ZSCAN20: variants seen among roughly 807,000 people sequenced by gnomAD.
The protein encoded by ZSCAN20 is zinc finger and SCAN domain containing 20, also known as zinc finger and SCAN domain-containing protein 20.
Under a neutral mutation model 97.1 loss-of-function variants are expected in ZSCAN20, and 39 were observed. The observed-to-expected ratio is 0.40, with a 90% confidence interval of 0.31 to 0.52. The LOEUF is 0.52. Among genes scored for constraint, ZSCAN20 ranks in the 20% least tolerant of loss-of-function variants. The probability of loss-of-function intolerance (pLI) is 0.49; values close to 1 mark genes in which losing one functional copy is unlikely to be tolerated. For missense variants in ZSCAN20, 1,115 were observed against 1,290.4 expected (o/e 0.86, Z 2.08); for synonymous variants, 456 against 467.3 (o/e 0.98, Z 0.31).
chr1:33,482,375 T>C (rs6677747), intron 2 of ZSCAN20, among the ~76,000 whole-genome samples: 117,671 of 152,178 alleles, frequency 0.77, 45,856 homozygotes, highest in African/African-American at 0.84. Flanking sequence ...CATTTAAGTT[T>C]CCTCCACGTC....
Position 33,494,866 on chromosome 1 carries a change from G to A in ZSCAN20, c.2522G>A (p.Trp841Ter). 1 of 1,614,176 alleles carries A rather than the reference G, an allele frequency of 6.2e-7. No individual in the cohort carries two copies. The highest frequency in any genetic ancestry group is 8.5e-7 in the Non-Finnish European group (1 of 1,180,032). The change falls in exon 8 of 8, where the codon TGG (tryptophan) becomes TAG (stop). Residue 841 changes from tryptophan to a stop codon, truncating the protein, a stop_gained. Coordinates refer to ENST00000684572, the MANE Select transcript of ZSCAN20 (RefSeq NM_001377376.1). LOFTEE classifies it high-confidence loss of function. Reference protein sequence around the residue: ...FAQSPSFSAHWRNSTEETAPE... With the variant: ...FAQSPSFSAH ...CAAAGCCCATCTTTTAGTGCTCACT[G>A]GAGGAATTCTACAGAAGAGACAGCT... is the stretch of plus-strand genomic sequence containing the variant.
chr1:33,474,375 C>G (rs752346804), intron 1 of ZSCAN20, among the ~76,000 whole-genome samples: 7 of 152,332 alleles, frequency 4.6e-5, no homozygotes, highest in Admixed American at 2.0e-4. Context: ...CTTTGGAGGT[C>G]ACAGACCAGT....
At position 33,489,179 on chromosome 1, in the gene ZSCAN20, A is replaced by G. The variant is rs752810139; in HGVS notation, c.669A>G (p.Thr223=). The G allele has an allele frequency of 1.7e-5, 28 of 1,613,752 alleles. No homozygotes were observed. In the South Asian group the frequency reaches 2.9e-4, roughly 16 times the overall value. The change falls in exon 4 of 8, where the codon ACA becomes ACG. Residue 223 remains threonine (T), a synonymous_variant. Transcript: ENST00000684572. Reference sequence around the variant, plus strand: ...GGAGCGTTGGAGATTGGGAGGTGACAGCTGAGTCCCAGGTAAGCTGTTACT... The same window carrying G: ...GGAGCGTTGGAGATTGGGAGGTGACGGCTGAGTCCCAGGTAAGCTGTTACT... ...KMGSVGDWEV[T]AESQEALGPG...
Position 33,488,730 on chromosome 1 carries a change from A to C in ZSCAN20, c.604+79A>C. 5 of 1,474,080 alleles carry C rather than the reference A, an allele frequency of 3.4e-6. No homozygotes were observed. The South Asian group carries it at 6.2e-5, about 18-fold the overall frequency. 91.3% of individuals were successfully genotyped at this position (1,474,080 alleles called of 1,614,324 possible). A position where few individuals can be genotyped will look rare whatever the true frequency, so the allele number is the denominator to read the frequency against. Reference sequence around the variant, plus strand: ...GGGAGGTGAGGAAGGGTGCATGGGGAAGAAGGATGTGCAGAATTCAAAGCA... The same window carrying C: ...GGGAGGTGAGGAAGGGTGCATGGGGCAGAAGGATGTGCAGAATTCAAAGCA... On this transcript the variant is annotated intron_variant, in intron 3 of 7. Transcript: ENST00000684572.
rs999650360 is a variant in ZSCAN20, at chr1:33,494,956, G to A, written c.2612G>A (p.Gly871Glu). The change falls in exon 8 of 8, where the codon GGG becomes GAG. Residue 871 changes from glycine to glutamate, a missense_variant. By Grantham distance (98) the Gly-to-Glu change is moderately conservative. Transcript: ENST00000684572. ...CCTGGACCACACAGCACAAACTCAG[G>A]GGAGAAACTTTATGAGTGTTCTGAA... ...NSPGPHSTNSGEKLYECSECG... is the reference protein window; with the variant it reads ...NSPGPHSTNSEEKLYECSECG... 6.2e-7 allele frequency: 1 copy of A among 1,614,112 alleles called. No homozygotes were observed. The highest frequency in any genetic ancestry group is 1.3e-5 in the African/African-American group (1 of 75,012).
Position 33,480,719 on chromosome 1 carries a change from A to T in ZSCAN20, c.417+1014A>T, listed in dbSNP as rs148893870. ...TTTATATAACTACGTGATAGAGCTGAGGTAAGGGAAATGAAAGTATGGATT... is the reference window on the plus strand; with the variant it reads ...TTTATATAACTACGTGATAGAGCTGTGGTAAGGGAAATGAAAGTATGGATT... On this transcript the variant is annotated intron_variant, in intron 2 of 7. Transcript: ENST00000684572. Among the ~76,000 whole-genome samples, 497 of 152,344 alleles carry T rather than the reference A, an allele frequency of 3.3e-3. 1 individual carries two copies. Among genetic ancestry groups the T allele is most frequent in the Non-Finnish European group, 6.1e-3 (415 of 68,024 alleles).
chr1:33,489,472 T>G (rs773248294), intron 4 of ZSCAN20, 46 bp from the exon 5 acceptor site: 1 of 1,596,138 alleles, frequency 6.3e-7, no homozygotes. Flanking sequence ...TAGGCTGTTG[T>G]CAAAGGTCAG....
At chr1:33,488,700 G>C (rs1158673375) in intron 3 of ZSCAN20, 49 bp downstream of exon 3, 8 of 1,571,596 alleles carry the variant, frequency 5.1e-6, no homozygotes, top group Non-Finnish European at 5.2e-6. Context: ...GCAGGGGAGA[G>C]GGATGGGAGG....
chr1:33,478,648 G>C (rs1003770422), intron 1 of ZSCAN20, among the ~76,000 whole-genome samples: 17 of 152,088 alleles, frequency 1.1e-4, no homozygotes, highest in African/African-American at 4.1e-4. Context: ...GGATAGCATA[G>C]AGTTGTTGGA....
intron 2 of ZSCAN20, among the ~76,000 whole-genome samples, chr1:33,480,793 A>G (rs1056034271): frequency 2.6e-5 from 4 of 152,232 alleles, no homozygotes; most frequent in African/African-American, 9.6e-5. Context: ...AAAGCCCATG[A>G]TATAATGCAT....
chr1:33,489,681 T>A, intron 5 of ZSCAN20, 79 bp downstream of exon 5: 3 of 1,331,762 alleles, frequency 2.3e-6, no homozygotes, highest in Non-Finnish European at 3.2e-6. Flanking sequence ...TTGCCGCTCC[T>A]TTAAGAATCA....
chr1:33,485,488 C>T (rs1314618577), intron 2 of ZSCAN20, among the ~76,000 whole-genome samples: 3 of 151,318 alleles, frequency 2.0e-5, no homozygotes, highest in African/African-American at 7.3e-5. Flanking sequence ...TGGCTCACTG[C>T]ACCCTCTGCC....
rs574069320 is a variant in ZSCAN20 at position 33,500,098 on chromosome 1, A to T, written c.*4622A>T. Among the ~76,000 whole-genome samples the T allele has an allele frequency of 6.6e-6, 1 of 152,088 alleles. No individual in the cohort carries two copies. Among genetic ancestry groups the T allele is most frequent in the Non-Finnish European group, 1.5e-5 (1 of 67,986 alleles). On this transcript the variant is annotated 3_prime_UTR_variant, in exon 8 of 8. Transcript: ENST00000684572. ...CCCCACAGCTCCTGGCTGTTTCTTC[A>T]CACTCCCAGCATCACTATTACTGCT...
At chr1:33,477,638 C>T (rs551818253) in intron 1 of ZSCAN20, among the ~76,000 whole-genome samples, 10 of 148,886 alleles carry the variant, frequency 6.7e-5, no homozygotes, top group South Asian at 4.4e-4. Flanking sequence ...GGCATGAGCG[C>T]GAAGGTCATT....
At position 33,497,636 on chromosome 1, in the gene ZSCAN20, A is replaced by G. The variant is rs1307996852; in HGVS notation, c.*2160A>G. Among the ~76,000 whole-genome samples the G allele has an allele frequency of 6.6e-6, 1 of 152,152 alleles. No individual in the cohort carries two copies. Among genetic ancestry groups the G allele is most frequent in the Non-Finnish European group, 1.5e-5 (1 of 68,038 alleles). On this transcript the variant is annotated 3_prime_UTR_variant, in exon 8 of 8. Coordinates refer to ENST00000684572, the MANE Select transcript of ZSCAN20 (RefSeq NM_001377376.1). The stretch of plus-strand genomic sequence containing the variant: ...GCTGAATGGAACTTGGACATGCTGC[A>G]ATTAGGATGGCCTTTTGGGACACTG...
intron 2 of ZSCAN20, among the ~76,000 whole-genome samples, chr1:33,480,111 C>T (rs923957160): frequency 2.0e-5 from 3 of 152,212 alleles, no homozygotes; most frequent in African/African-American, 7.2e-5. Context: ...GTGTTTTATA[C>T]TTAACAAAAT....
chr1:33,477,272 C>T (rs929710724), intron 1 of ZSCAN20, among the ~76,000 whole-genome samples: 6 of 152,124 alleles, frequency 3.9e-5, no homozygotes, highest in Admixed American at 2.6e-4. Context: ...ATATGGAGGC[C>T]TTTAGGGCAA....
intron 2 of ZSCAN20, among the ~76,000 whole-genome samples, chr1:33,484,199 C>G (rs1484262934): frequency 6.6e-6 from 1 of 152,090 alleles, no homozygotes; most frequent in Non-Finnish European, 1.5e-5. Context: ...TGTTTCCTTT[C>G]TTATCTTGTA....
rs900570245 is a variant in ZSCAN20, at chr1:33,493,804, G to T, written c.1873+189G>T. On this transcript the variant is annotated intron_variant, in intron 7 of 7. Transcript: ENST00000684572. The surrounding 1 kb of genome is among the most constrained non-coding windows in gnomAD (Gnocchi z 4.3). Reference sequence around the variant, plus strand: ...ATCCCCCGAATCAGTCAGTCAGTCAGTCATTCTATCTTTTACTAGGTATAT... The same window carrying T: ...ATCCCCCGAATCAGTCAGTCAGTCATTCATTCTATCTTTTACTAGGTATAT... Among the ~76,000 whole-genome samples the T allele has an allele frequency of 1.3e-5, 2 of 152,210 alleles. No individual in the cohort carries two copies. Among genetic ancestry groups the T allele is most frequent in the African/African-American group, 4.8e-5 (2 of 41,454 alleles).
Sources: gnomAD v4.1 joint callset for allele counts (sites outside exome capture counted in the v4.1 genomes callset) on GRCh38, gnomAD v4.1.1 for gene constraint, Gnocchi (gnomAD v3.1) non-coding constraint, MANE v1.5 for transcripts, NCBI Gene and HGNC (gene_info 2026-07-23, HGNC 2026-07-21) for gene names.